Variants in SHB observed in about 807,000 individuals in gnomAD.
SHB encodes SH2 domain containing adaptor protein B.
Under a neutral mutation model 52.3 loss-of-function variants are expected in SHB, and 20 were observed. The ratio of observed to expected loss-of-function variants is 0.38; its 90% CI spans 0.27 to 0.56. The LOEUF is 0.56. Among genes scored for constraint, SHB ranks in the 20% least tolerant of loss-of-function variants. SHB has a pLI of 0.71. For missense variants in SHB, 825 were observed against 723.3 expected, an observed-to-expected ratio of 1.14 and a Z score of -1.61; for synonymous variants, 397 against 316.5, an observed-to-expected ratio of 1.25 and a Z score of -2.70.
chr9:37,943,069 C>A (rs1355557499), intron 5 of SHB, among the ~76,000 whole-genome samples: 1 of 152,158 alleles, frequency 6.6e-6, no homozygotes, highest in African/African-American at 2.4e-5. Flanking sequence ...AAGCCCCGAC[C>A]CCTCCACCTG....
intron 2 of SHB, among the ~76,000 whole-genome samples, chr9:38,002,539 C>T (rs983733049): frequency 2.6e-5 from 4 of 152,118 alleles, no homozygotes; most frequent in African/African-American, 9.7e-5. Context: ...TGGAAGGGGC[C>T]CTGGGCTAGG....
intron 2 of SHB, among the ~76,000 whole-genome samples, chr9:37,998,445 A>C (rs1820975864): frequency 6.6e-6 from 1 of 152,144 alleles, no homozygotes; most frequent in African/African-American, 2.4e-5. Flanking sequence ...TGATGGTCTC[A>C]AAATCCTATT....
chr9:38,050,449 T>A (rs1821724656), intron 1 of SHB, among the ~76,000 whole-genome samples: 1 of 152,218 alleles, frequency 6.6e-6, no homozygotes, highest in Non-Finnish European at 1.5e-5. Flanking sequence ...ATATGGATAT[T>A]TTAAGGCAGC....
chr9:37,933,048 T>C (rs1832331773), intron 5 of SHB, among the ~76,000 whole-genome samples: 1 of 152,212 alleles, frequency 6.6e-6, no homozygotes. Context: ...TTAAGACAGA[T>C]CTGCCTGCTC....
intron 1 of SHB, among the ~76,000 whole-genome samples, chr9:38,048,247 G>A (rs1458275211): frequency 2.0e-5 from 3 of 152,006 alleles, no homozygotes; most frequent in Non-Finnish European, 4.4e-5. Flanking sequence ...TATACATTTT[G>A]GTCGATTTCC....
intron 3 of SHB, among the ~76,000 whole-genome samples, chr9:37,958,921 A>G (rs908158836): frequency 1.2e-4 from 18 of 152,144 alleles, no homozygotes; most frequent in Admixed American, 1.2e-3. Context: ...TACTTTGCAG[A>G]GCCCTCCATG....
At chr9:37,984,579 T>A (rs1174284046) in intron 2 of SHB, among the ~76,000 whole-genome samples, 1 of 150,494 alleles carries the variant, frequency 6.6e-6, no homozygotes, top group Non-Finnish European at 1.5e-5. Flanking sequence ...CTTTCTGACA[T>A]TTTTTTTTTA....
At chr9:38,040,098 C>CGGTCTTTCCCCA (rs1821555103) in intron 1 of SHB, among the ~76,000 whole-genome samples, 1 of 152,112 alleles carries the variant, frequency 6.6e-6, no homozygotes, top group African/African-American at 2.4e-5. Flanking sequence ...TCAGGTCAGC[C>CGGTCTTTCCCCA]GGTCTTTCCC....
intron 2 of SHB, among the ~76,000 whole-genome samples, chr9:37,999,731 G>T (rs937392958): frequency 2.6e-5 from 4 of 152,222 alleles, no homozygotes; most frequent in Admixed American, 2.6e-4. Flanking sequence ...CATCCAGCGT[G>T]TCTTTGTGTG....
At chr9:37,949,880 G>A (rs1015779759) in intron 4 of SHB, among the ~76,000 whole-genome samples, 1 of 152,194 alleles carries the variant, frequency 6.6e-6, no homozygotes. Context: ...GAGGAGTGCC[G>A]TGCAGAGGGC....
rs549247973 is a variant in SHB, at chr9:38,025,197, C to T, written c.718-9066G>A. Among the ~76,000 whole-genome samples, 6 of 152,348 alleles carry T rather than the reference C, an allele frequency of 3.9e-5. No homozygotes were observed. In the South Asian group the frequency reaches 1.0e-3, roughly 26 times the overall value. The stretch of plus-strand genomic sequence containing the variant: ...CCTTACAAGGACCAACCACCCATCG[C>T]TGTGGACAGCTCTCTGTGGGAGGTG... On this transcript the variant is annotated intron_variant, in intron 1 of 5. Transcript: ENST00000377707.
intron 1 of SHB, among the ~76,000 whole-genome samples, chr9:38,021,713 T>C (rs1587248277): frequency 6.6e-6 from 1 of 150,914 alleles, no homozygotes; most frequent in South Asian, 2.1e-4. Context: ...GACTGGCTGC[T>C]GTCTTCCAGG....
chr9:37,957,890 A>G (rs1832653495), intron 3 of SHB, among the ~76,000 whole-genome samples: 1 of 152,208 alleles, frequency 6.6e-6, no homozygotes, highest in Non-Finnish European at 1.5e-5. Flanking sequence ...TCCAGGCAGA[A>G]GGAAGAACAA....
chr9:37,927,398 A>G (rs1395261752), intron 5 of SHB, among the ~76,000 whole-genome samples: 2 of 152,196 alleles, frequency 1.3e-5, no homozygotes, highest in Non-Finnish European at 2.9e-5. Flanking sequence ...GTGATTTACA[A>G]CCAAATAATT....
chr9:37,967,224 G>A (rs1287145951), intron 3 of SHB, among the ~76,000 whole-genome samples: 1 of 152,152 alleles, frequency 6.6e-6, no homozygotes, highest in Non-Finnish European at 1.5e-5. Flanking sequence ...TTAATTTCCT[G>A]TCCCTGGTTC....
rs915182591 is a variant in SHB, at chr9:38,005,269, C to T, written c.838+10742G>A. Among the ~76,000 whole-genome samples, 9 of 152,202 alleles carry T rather than the reference C, an allele frequency of 5.9e-5. No homozygotes were observed. In the South Asian group the frequency reaches 6.2e-4, roughly 11 times the overall value. On this transcript the variant is annotated intron_variant, in intron 2 of 5. Coordinates refer to ENST00000377707, the MANE Select transcript of SHB (RefSeq NM_003028.3). ...TTTAAGGTGGCCAGGTACAATTACA[C>T]GCCTATACCCTGAAAGGGAGAGTGA...
chr9:38,065,371 G>C (rs1821948463), intron 1 of SHB, among the ~76,000 whole-genome samples: 1 of 152,178 alleles, frequency 6.6e-6, no homozygotes, highest in Admixed American at 6.5e-5. Context: ...AGAAGACCCA[G>C]AGGGACAGTT....
chr9:38,005,654 T>C (rs1821068609), intron 2 of SHB, among the ~76,000 whole-genome samples: 1 of 152,330 alleles, frequency 6.6e-6, no homozygotes, highest in Non-Finnish European at 1.5e-5. Flanking sequence ...GTATCATATA[T>C]AAAAGGTACC....
At chr9:37,920,102 AT>A (rs1440764992) in intron 5 of SHB, 98 bp from the exon 6 acceptor site, 10 of 964,980 alleles carry the variant, frequency 1.0e-5, no homozygotes, top group African/African-American at 1.6e-5. Flanking sequence ...GATCCCAGCC[AT>A]GAAGTGGCTG....
Sources: gnomAD v4.1 joint callset for allele counts (sites outside exome capture counted in the v4.1 genomes callset) on GRCh38, gnomAD v4.1.1 for gene constraint, MANE v1.5 for transcripts, NCBI Gene and HGNC (gene_info 2026-07-23, HGNC 2026-07-21) for gene names.